KMT5B: variants seen among roughly 807,000 people sequenced by gnomAD.
KMT5B encodes lysine methyltransferase 5B, also known as histone-lysine N-methyltransferase KMT5B.
KMT5B carries 10 observed loss-of-function variants against 83.2 expected under a neutral mutation model. That is an observed-to-expected ratio of 0.12 (90% confidence interval 0.07 to 0.20). KMT5B has a LOEUF of 0.20. Among genes scored for constraint, KMT5B ranks in the 10% least tolerant of loss-of-function variants. The pLI, the probability that KMT5B is intolerant of heterozygous loss-of-function variation, is 1.00. For missense variants in KMT5B, 753 were observed against 1,067.2 expected, an observed-to-expected ratio of 0.71 and a Z score of 4.10; for synonymous variants, 349 against 388.8, an observed-to-expected ratio of 0.90 and a Z score of 1.20.
intron 4 of KMT5B, among the ~76,000 whole-genome samples, chr11:68,175,917 T>G (rs991455561): frequency 2.0e-5 from 3 of 147,388 alleles, no homozygotes; most frequent in Non-Finnish European, 3.0e-5. Context: ...TAGAGTTGTT[T>G]TTTTTTTTTT....
At chr11:68,208,089 G>A (rs890237305) in intron 1 of KMT5B, among the ~76,000 whole-genome samples, 3 of 150,476 alleles carry the variant, frequency 2.0e-5, no homozygotes, top group Admixed American at 6.6e-5. Context: ...CACCTGTCTC[G>A]GCCTCCCAAA....
intron 1 of KMT5B, among the ~76,000 whole-genome samples, chr11:68,195,245 G>C (rs538554923): frequency 7.3e-4 from 111 of 152,278 alleles, no homozygotes; most frequent in African/African-American, 2.6e-3. Context: ...CAGAAGCTAT[G>C]TGGTTTACAG....
At chr11:68,195,158 CAG>C (rs1290257709) in intron 1 of KMT5B, among the ~76,000 whole-genome samples, 20 of 151,596 alleles carry the variant, frequency 1.3e-4, no homozygotes, top group African/African-American at 4.6e-4. Context: ...GCCTGGGTGA[CAG>C]AGTGAAAAAA....
rs545507654 is a variant in KMT5B at position 68,184,641 on chromosome 11, C to T, written c.308+1140G>A. ...TGCCACTAAAATCAGAACTATATAA[C>T]CCCAGTCCGGGTGTGATGGAGATGA... On this transcript the variant is annotated intron_variant, in intron 3 of 10. Coordinates refer to ENST00000304363, the MANE Select transcript of KMT5B (RefSeq NM_017635.5). Among the ~76,000 whole-genome samples the T allele has an allele frequency of 9.8e-5, 15 of 152,310 alleles. No individual in the cohort carries two copies. The South Asian group carries it at 2.9e-3, about 29-fold the overall frequency.
At chr11:68,166,008 C>G in intron 10 of KMT5B, 1 of 1,612,118 alleles carries the variant, frequency 6.2e-7, no homozygotes, top group Non-Finnish European at 8.5e-7. Context: ...GGGAGAAGAA[C>G]CTAAAATAAT....
In KMT5B at chr11:68,158,742, G is replaced by A. The variant is rs962026772; in HGVS notation, c.1604C>T (p.Thr535Ile). ...AHSQGESSPCTYITRRSVRTR... is the reference protein window; with the variant it reads ...AHSQGESSPCIYITRRSVRTR... ...CCTCACTGACCGCCGAGTTATGTAGGTGCAGGGCGAGCTCTCCCCCTGCGA... is the reference window on the plus strand; with the variant it reads ...CCTCACTGACCGCCGAGTTATGTAGATGCAGGGCGAGCTCTCCCCCTGCGA... Residue 535 changes from threonine (T) to isoleucine (I), a missense_variant, in exon 11 of 11, where the codon ACC becomes ATC. By Grantham distance (89) the Thr-to-Ile change is moderately conservative. This residue lies in a region of KMT5B where 397 missense variants were observed against 395.9 expected (regional missense o/e 1.00). Coordinates refer to ENST00000304363, the MANE Select transcript of KMT5B (RefSeq NM_017635.5). The A allele has an allele frequency of 3.1e-6, 5 of 1,614,014 alleles. No individual in the cohort carries two copies. The highest frequency in any genetic ancestry group is 4.2e-6 in the Non-Finnish European group (5 of 1,180,040).
intron 10 of KMT5B, among the ~76,000 whole-genome samples, chr11:68,163,628 G>C (rs1421835220): frequency 6.6e-6 from 1 of 152,208 alleles, no homozygotes; most frequent in Admixed American, 6.5e-5. Context: ...GATAATACAA[G>C]GGCCACAGCT....
intron 1 of KMT5B, among the ~76,000 whole-genome samples, chr11:68,202,939 C>T (rs1859639321): frequency 6.6e-6 from 1 of 152,070 alleles, no homozygotes; most frequent in African/African-American, 2.4e-5. Flanking sequence ...TGACGATATA[C>T]CCAGAAGTAG....
At chr11:68,166,714 G>A in intron 10 of KMT5B, 4 of 1,281,726 alleles carry the variant, frequency 3.1e-6, no homozygotes, top group Non-Finnish European at 4.0e-6. Context: ...TAAAACATAT[G>A]ATGACCTTGG....
rs1343939878 is a variant in KMT5B, at chr11:68,167,192, T to C, written c.978-14A>G. ...CCAGTGCCCCGTCTGAAAGAGAAAA[T>C]AGCACAGGTTAAACAAATAGAACAC... is the stretch of plus-strand genomic sequence containing the variant. On this transcript the variant is annotated splice_polypyrimidine_tract_variant and intron_variant, in intron 9 of 10. Coordinates refer to ENST00000304363, the MANE Select transcript of KMT5B (RefSeq NM_017635.5). The C allele has an allele frequency of 3.8e-6, 6 of 1,591,404 alleles. No individual in the cohort carries two copies. Among genetic ancestry groups the C allele is most frequent in the Middle Eastern group, 1.7e-4 (1 of 6,030 alleles).
At chr11:68,192,204 A>G (rs1351898171) in intron 1 of KMT5B, among the ~76,000 whole-genome samples, 1 of 152,234 alleles carries the variant, frequency 6.6e-6, no homozygotes, top group Non-Finnish European at 1.5e-5. Context: ...AGTGCACTCT[A>G]TGATATCTGC....
At chr11:68,194,184 A>G (rs952764283) in intron 1 of KMT5B, among the ~76,000 whole-genome samples, 39 of 149,386 alleles carry the variant, frequency 2.6e-4, no homozygotes, top group African/African-American at 9.6e-4. Context: ...AGCATCAAGT[A>G]CCAAGTTTTT....
chr11:68,185,742 T>C, intron 3 of KMT5B, 39 bp downstream of exon 3: 1 of 1,548,000 alleles, frequency 6.5e-7, no homozygotes, highest in Non-Finnish European at 8.8e-7. Flanking sequence ...GAATTCAACA[T>C]AATCATCTGT....
At chr11:68,189,202 C>T (rs951998537) in intron 2 of KMT5B, among the ~76,000 whole-genome samples, 1 of 152,184 alleles carries the variant, frequency 6.6e-6, no homozygotes, top group African/African-American at 2.4e-5. Flanking sequence ...GAAAAGCTGT[C>T]CTCTTTAACA....
intron 1 of KMT5B, among the ~76,000 whole-genome samples, chr11:68,206,031 C>T (rs1346965908): frequency 3.3e-5 from 5 of 152,222 alleles, no homozygotes; most frequent in Admixed American, 3.3e-4. Context: ...TTAAATATCA[C>T]ATTCAATACG....
chr11:68,162,881 A>G (rs1044856565), intron 10 of KMT5B, among the ~76,000 whole-genome samples: 2 of 152,240 alleles, frequency 1.3e-5, no homozygotes, highest in Admixed American at 6.5e-5. Context: ...AGACAGGCAA[A>G]GAATTTGAGA....
intron 4 of KMT5B, among the ~76,000 whole-genome samples, chr11:68,178,190 T>C (rs555145639): frequency 6.6e-6 from 1 of 152,354 alleles, no homozygotes; most frequent in East Asian, 1.9e-4. Context: ...AATGTGAAAG[T>C]GACCAATGGG....
chr11:68,199,300 G>A (rs1438881170), intron 1 of KMT5B, among the ~76,000 whole-genome samples: 1 of 152,148 alleles, frequency 6.6e-6, no homozygotes, highest in Non-Finnish European at 1.5e-5. Flanking sequence ...CACCTTTTGG[G>A]GGGAATAAGC....
chr11:68,207,338 A>G (rs560611027), intron 1 of KMT5B, among the ~76,000 whole-genome samples: 2 of 152,294 alleles, frequency 1.3e-5, no homozygotes, highest in African/African-American at 4.8e-5. Context: ...CAAACAGATT[A>G]TTTTCACACC....
Sources: gnomAD v4.1 joint callset for allele counts (sites outside exome capture counted in the v4.1 genomes callset) on GRCh38, gnomAD v4.1.1 for gene constraint, gnomAD v4.1.1 regional missense constraint, MANE v1.5 for transcripts, NCBI Gene and HGNC (gene_info 2026-07-23, HGNC 2026-07-21) for gene names.